MSI2: variants seen among roughly 807,000 people sequenced by gnomAD.
MSI2 encodes the protein RNA-binding protein Musashi homolog 2.
Under a neutral mutation model 45.6 loss-of-function variants are expected in MSI2, and 17 were observed. That is an observed-to-expected ratio of 0.37 (90% CI 0.26 to 0.56). MSI2 has a LOEUF of 0.56. Ranked by LOEUF, MSI2 falls within the 20% of genes least tolerant of loss-of-function variation. The pLI is 0.77. For synonymous variants in MSI2, 156 were observed against 158.2 expected (o/e 0.99, Z 0.11); for missense variants, 293 against 444.2 (o/e 0.66, Z 3.06).
intron 7 of MSI2, among the ~76,000 whole-genome samples, chr17:57,576,389 T>G (rs970629059): frequency 2.0e-5 from 3 of 152,240 alleles, no homozygotes; most frequent in Non-Finnish European, 4.4e-5. Flanking sequence ...CAATGAATGT[T>G]TGTTGTAGGA....
At chr17:57,698,292 A>G in the MSI2 span, among the ~76,000 whole-genome samples, 1 of 152,184 alleles carries the variant, frequency 6.6e-6, no homozygotes, top group African/African-American at 2.4e-5. Context: ...GAAGGCTGAC[A>G]TGTCCCATCC....
chr17:57,558,919 G>A (rs1274059455), intron 7 of MSI2, among the ~76,000 whole-genome samples: 2 of 152,126 alleles, frequency 1.3e-5, no homozygotes, highest in Non-Finnish European at 2.9e-5. Flanking sequence ...AAAAAACAGC[G>A]AGGTGTGGTG....
chr17:57,426,868 T>C (rs2084502298), intron 6 of MSI2, among the ~76,000 whole-genome samples: 1 of 152,276 alleles, frequency 6.6e-6, no homozygotes, highest in African/African-American at 2.4e-5. Flanking sequence ...AAGATTTTCA[T>C]GAAGCATGGC....
intron 5 of MSI2, among the ~76,000 whole-genome samples, chr17:57,310,327 G>A (rs1311084810): frequency 6.7e-6 from 1 of 148,956 alleles, no homozygotes; most frequent in Non-Finnish European, 1.5e-5. Flanking sequence ...ACCCCTGAAG[G>A]TTGTGTTATT....
At chr17:57,431,807 T>C (rs1486597937) in intron 6 of MSI2, among the ~76,000 whole-genome samples, 1 of 152,210 alleles carries the variant, frequency 6.6e-6, no homozygotes, top group African/African-American at 2.4e-5. Context: ...TTGGGGAGGC[T>C]GGGAGGGACC....
chr17:57,695,243 G>A, the MSI2 span, among the ~76,000 whole-genome samples: 1 of 152,300 alleles, frequency 6.6e-6, no homozygotes, highest in East Asian at 1.9e-4. Flanking sequence ...TTGTGGAAGG[G>A]GGCGGAATAT....
chr17:57,401,414 G>A lies in MSI2; in HGVS notation c.348G>A (p.Gly116=), dbSNP rs139155266. Residue 116 remains glycine (G), a synonymous_variant, in exon 6 of 14, where the codon GGG becomes GGA. Transcript: ENST00000284073. ...GAACAAAGAAAATATTTGTAGGCGG[G>A]TTATCTGCGAACACAGTAGTGGAAG... ...VTRTKKIFVG[G]LSANTVVEDV... 1.2e-6 allele frequency: 2 copies of A among 1,614,196 alleles called. No homozygotes were observed. Among genetic ancestry groups the A allele is most frequent in the African/African-American group, 2.7e-5 (2 of 75,048 alleles).
intron 11 of MSI2, among the ~76,000 whole-genome samples, chr17:57,657,657 T>C (rs529282073): frequency 6.6e-6 from 1 of 152,304 alleles, no homozygotes; most frequent in East Asian, 1.9e-4. Context: ...GAAGTAGATA[T>C]GCCCATCCCA....
chr17:57,457,226 G>C (rs1002316113), intron 6 of MSI2, among the ~76,000 whole-genome samples: 1 of 152,176 alleles, frequency 6.6e-6, no homozygotes, highest in Admixed American at 6.5e-5. Context: ...ATTTTAGAAA[G>C]TTTCACCAAA....
chr17:57,417,967 A>G (rs1648738981), intron 6 of MSI2, among the ~76,000 whole-genome samples: 1 of 152,216 alleles, frequency 6.6e-6, no homozygotes, highest in Admixed American at 6.5e-5. Context: ...TTACAGAGTC[A>G]TTGTTATTAT....
chr17:57,353,710 T>C (rs972915684), intron 5 of MSI2, among the ~76,000 whole-genome samples: 1 of 152,130 alleles, frequency 6.6e-6, no homozygotes, highest in Non-Finnish European at 1.5e-5. Flanking sequence ...GATTATAATT[T>C]TTTCCTTGGG....
chr17:57,470,303 A>G (rs1041611389), intron 6 of MSI2, among the ~76,000 whole-genome samples: 1 of 152,040 alleles, frequency 6.6e-6, no homozygotes. Flanking sequence ...TTTGAGATGG[A>G]GTCTTGCTCT....
At chr17:57,345,259 C>T (rs1298481420) in intron 5 of MSI2, among the ~76,000 whole-genome samples, 1 of 152,134 alleles carries the variant, frequency 6.6e-6, no homozygotes, top group Non-Finnish European at 1.5e-5. Flanking sequence ...GGGTTTTCTT[C>T]CTTTTCCCTT....
At position 57,683,020 on chromosome 17, in the gene MSI2, A is replaced by G; in HGVS notation, c.*3503A>G. ...GGGAACAAACAGCCTCGCGCTCTAT[A>G]CCAAACAGCCTCGCGCTCTATCCCA... On this transcript the variant is annotated 3_prime_UTR_variant, in exon 14 of 14. Transcript: ENST00000284073. This position sits in a 1 kb window ranked among gnomAD's most constrained non-coding sequence, Gnocchi z 5.2. The G allele has an allele frequency of 4.4e-6, 1 of 229,562 alleles. No homozygotes were observed. Among genetic ancestry groups the G allele is most frequent in the Non-Finnish European group, 8.6e-6 (1 of 115,814 alleles). 14.2% of individuals were successfully genotyped at this position (229,562 alleles called of 1,614,324 possible). A position where few individuals can be genotyped will look rare whatever the true frequency, so the allele number is the denominator to read the frequency against.
At chr17:57,616,596 G>A (rs1444769890) in intron 9 of MSI2, 1 of 151,408 alleles carries the variant, frequency 6.6e-6, no homozygotes, top group African/African-American at 2.4e-5. Context: ...GCATTTAAAT[G>A]GATGTTTTAA....
At chr17:57,436,600 G>A (rs576180426) in intron 6 of MSI2, among the ~76,000 whole-genome samples, 1 of 152,360 alleles carries the variant, frequency 6.6e-6, no homozygotes, top group South Asian at 2.1e-4. Context: ...AAGAGCCTGG[G>A]GCAGAGGAGC....
At chr17:57,613,081 C>G (rs1336475474) in intron 8 of MSI2, among the ~76,000 whole-genome samples, 1 of 152,156 alleles carries the variant, frequency 6.6e-6, no homozygotes, top group Non-Finnish European at 1.5e-5. Flanking sequence ...TCCCCCCTAC[C>G]TGCAATGACA....
At chr17:57,531,909 G>A (rs2086829052) in intron 7 of MSI2, 1 of 152,244 alleles carries the variant, frequency 6.6e-6, no homozygotes, top group African/African-American at 2.4e-5. Context: ...TTTCCAAAAG[G>A]GAGAAAGGAA....
intron 5 of MSI2, chr17:57,264,813 A>G (rs911697830): frequency 2.0e-5 from 3 of 152,220 alleles, no homozygotes; most frequent in Non-Finnish European, 4.4e-5. Context: ...CCCCTCTGCT[A>G]TGCGACAGGA....
Sources: allele counts gnomAD v4.1 joint callset (sites outside exome capture counted in the v4.1 genomes callset), GRCh38; gene constraint gnomAD v4.1.1; non-coding constraint Gnocchi (gnomAD v3.1); transcripts MANE v1.5; gene names NCBI Gene and HGNC (gene_info 2026-07-23, HGNC 2026-07-21).